CTNNA3: variants seen among roughly 807,000 people sequenced by gnomAD.
CTNNA3 encodes catenin alpha 3, also known as catenin alpha-3.
In CTNNA3, 76 loss-of-function variants were observed where a neutral mutation model predicts 95.7. That is an observed-to-expected ratio of 0.79 (90% CI 0.66 to 0.96). The LOEUF (loss-of-function observed/expected upper bound fraction) is 0.96, where lower values mean the gene tolerates loss of function less well. Ranked by LOEUF, CTNNA3 falls within the 40% of genes least tolerant of loss-of-function variation. CTNNA3 has a pLI of 0.00. For synonymous variants in CTNNA3, 431 were observed against 374.4 expected (o/e 1.15, Z -1.74); for missense variants, 1,191 against 1,089.8 (o/e 1.09, Z -1.31).
intron 17 of CTNNA3, among the ~76,000 whole-genome samples, chr10:65,930,028 A>G (rs1173546539): frequency 6.6e-6 from 1 of 151,956 alleles, no homozygotes; most frequent in Non-Finnish European, 1.5e-5. Flanking sequence ...AGGGGCAGGT[A>G]CTGTGACTCT....
At chr10:66,443,963 G>A (rs1357466375) in intron 11 of CTNNA3, among the ~76,000 whole-genome samples, 5 of 152,182 alleles carry the variant, frequency 3.3e-5, no homozygotes, top group South Asian at 2.1e-4. Context: ...AATAACCAAT[G>A]CAGAGAAGTC....
chr10:67,340,962 G>A (rs1362510679), intron 5 of CTNNA3, among the ~76,000 whole-genome samples: 1 of 152,136 alleles, frequency 6.6e-6, no homozygotes, highest in Non-Finnish European at 1.5e-5. Context: ...AGTAAACAGG[G>A]ATGGCAAGAC....
chr10:67,062,315 A>G (rs1203770120), intron 7 of CTNNA3, among the ~76,000 whole-genome samples: 1 of 152,190 alleles, frequency 6.6e-6, no homozygotes, highest in Non-Finnish European at 1.5e-5. Context: ...ATCACTTACT[A>G]AAAATGTCTT....
intron 12 of CTNNA3, among the ~76,000 whole-genome samples, chr10:66,285,316 G>A (rs1013202805): frequency 2.0e-5 from 3 of 151,890 alleles, no homozygotes; most frequent in East Asian, 1.9e-4. Flanking sequence ...CATATGAAAC[G>A]CTAATCATTT....
At chr10:66,214,630 G>A (rs570790679) in intron 13 of CTNNA3, among the ~76,000 whole-genome samples, 2 of 151,422 alleles carry the variant, frequency 1.3e-5, no homozygotes, top group East Asian at 1.9e-4. Flanking sequence ...GGAAAGAGAG[G>A]GAGAAAAAAT....
chr10:67,045,047 G>A (rs1183248336), intron 7 of CTNNA3, among the ~76,000 whole-genome samples: 1 of 152,084 alleles, frequency 6.6e-6, no homozygotes, highest in East Asian at 1.9e-4. Flanking sequence ...CATAGCTTTT[G>A]AACAAGTTTA....
intron 12 of CTNNA3, among the ~76,000 whole-genome samples, chr10:66,349,072 C>T: frequency 6.6e-6 from 1 of 152,086 alleles, no homozygotes; most frequent in African/African-American, 2.4e-5. Context: ...ATGTTCGTTA[C>T]TTCACAATTC....
intron 15 of CTNNA3, among the ~76,000 whole-genome samples, chr10:65,993,204 T>C (rs1479984827): frequency 6.6e-6 from 1 of 152,232 alleles, no homozygotes; most frequent in Non-Finnish European, 1.5e-5. Context: ...ATGGGAAAAA[T>C]GTATATTCTA....
At chr10:66,170,809 G>T (rs2085384463) in intron 13 of CTNNA3, among the ~76,000 whole-genome samples, 1 of 151,854 alleles carries the variant, frequency 6.6e-6, no homozygotes, top group South Asian at 2.1e-4. Context: ...TCTAGCAGAT[G>T]AAACAGCAAG....
chr10:66,050,665 T>C (rs969870036), intron 15 of CTNNA3, among the ~76,000 whole-genome samples: 7 of 152,178 alleles, frequency 4.6e-5, no homozygotes, highest in Admixed American at 3.3e-4. Flanking sequence ...TCACACCATG[T>C]TATCTCCTGC....
chr10:66,346,991 C>T (rs558521647), intron 12 of CTNNA3, among the ~76,000 whole-genome samples: 1 of 151,742 alleles, frequency 6.6e-6, no homozygotes, highest in East Asian at 1.9e-4. Context: ...AAAAAAAATG[C>T]CTCACAAAAA....
intron 15 of CTNNA3, among the ~76,000 whole-genome samples, chr10:66,001,953 T>C (rs1233723537): frequency 1.3e-5 from 2 of 152,134 alleles, no homozygotes; most frequent in Non-Finnish European, 2.9e-5. Flanking sequence ...TCTCTGTGTG[T>C]AGTTGTTATC....
intron 12 of CTNNA3, among the ~76,000 whole-genome samples, chr10:66,286,948 A>C (rs979257891): frequency 6.6e-6 from 1 of 152,012 alleles, no homozygotes; most frequent in Non-Finnish European, 1.5e-5. Context: ...TTGATACATA[A>C]TAGATGTACA....
intron 5 of CTNNA3, among the ~76,000 whole-genome samples, chr10:67,259,091 G>T (rs1335326880): frequency 6.6e-6 from 1 of 152,058 alleles, no homozygotes; most frequent in Non-Finnish European, 1.5e-5. Context: ...TCAACCCACA[G>T]TTGATTGAAT....
At chr10:66,400,907 T>C (rs2093015255) in intron 11 of CTNNA3, among the ~76,000 whole-genome samples, 1 of 152,094 alleles carries the variant, frequency 6.6e-6, no homozygotes, top group African/African-American at 2.4e-5. Flanking sequence ...AACACAGACA[T>C]AGAAATAAGC....
At chr10:67,106,625 G>A (rs900430440) in intron 7 of CTNNA3, among the ~76,000 whole-genome samples, 2 of 152,062 alleles carry the variant, frequency 1.3e-5, no homozygotes, top group Non-Finnish European at 2.9e-5. Context: ...GATAAGAAAC[G>A]GATGCACAAA....
rs564356390 is a variant in CTNNA3, at chr10:66,633,175, A to G, written c.1282-11391T>C. Among the ~76,000 whole-genome samples, 98 of 152,320 alleles carry G rather than the reference A, an allele frequency of 6.4e-4. 1 individual carries two copies. The highest frequency in any genetic ancestry group is 3.4e-3 in the Middle Eastern group (1 of 294). Reference sequence around the variant, plus strand: ...TTCAATTTAATGGAATCTGTCATTCAGAAATACTTGCATATGTGAACAGAC... The same window carrying G: ...TTCAATTTAATGGAATCTGTCATTCGGAAATACTTGCATATGTGAACAGAC... On this transcript the variant is annotated intron_variant, in intron 9 of 17. Transcript: ENST00000433211.
chr10:65,979,919 C>G (rs1355229708), intron 16 of CTNNA3, among the ~76,000 whole-genome samples: 1 of 151,832 alleles, frequency 6.6e-6, no homozygotes, highest in Admixed American at 6.6e-5. Context: ...ATCTGGAGAA[C>G]TAATCTAGGC....
intron 10 of CTNNA3, among the ~76,000 whole-genome samples, chr10:66,581,200 TAAACATATGCACA>T (rs747485615): frequency 0.068 from 10,353 of 151,886 alleles, 706 homozygotes; most frequent in East Asian, 0.34. Context: ...TGTGCTGCAA[TAAACATATGCACA>T]CAGGCATCTC....
Sources: gnomAD v4.1 joint callset for allele counts (sites outside exome capture counted in the v4.1 genomes callset) on GRCh38, gnomAD v4.1.1 for gene constraint, MANE v1.5 for transcripts, NCBI Gene and HGNC (gene_info 2026-07-23, HGNC 2026-07-21) for gene names.